EHBP1: variants seen among roughly 807,000 people sequenced by gnomAD.
EHBP1 encodes EH domain binding protein 1, also known as EH domain-binding protein 1.
Under a neutral mutation model 144.0 loss-of-function variants are expected in EHBP1, and 55 were observed. The observed-to-expected ratio is 0.38, with a 90% CI of 0.31 to 0.48. The LOEUF (loss-of-function observed/expected upper bound fraction) is 0.48. Among genes scored for constraint, EHBP1 ranks in the 20% least tolerant of loss-of-function variants. EHBP1 has a pLI of 0.98. For synonymous variants in EHBP1, 469 were observed against 472.7 expected (o/e 0.99, Z 0.10); for missense variants, 1,200 against 1,364.2 (o/e 0.88, Z 1.90).
At chr2:62,789,829 G>T (rs1406814370) in intron 5 of EHBP1, among the ~76,000 whole-genome samples, 1 of 152,158 alleles carries the variant, frequency 6.6e-6, no homozygotes, top group Non-Finnish European at 1.5e-5. Flanking sequence ...ACAGATGCCT[G>T]CAGGGTAGCA....
intron 2 of EHBP1, among the ~76,000 whole-genome samples, chr2:62,710,441 C>G (rs1297452170): frequency 1.3e-5 from 2 of 151,042 alleles, no homozygotes; most frequent in Non-Finnish European, 3.0e-5. Flanking sequence ...TAAACTTTTC[C>G]CAAAAAGTCA....
intron 1 of EHBP1, among the ~76,000 whole-genome samples, chr2:62,693,080 T>G (rs2033962839): frequency 6.6e-6 from 1 of 152,186 alleles, no homozygotes; most frequent in African/African-American, 2.4e-5. Flanking sequence ...GTTTTAATTT[T>G]TAGCTCCCAT....
chr2:62,881,058 G>A (rs1330502412), intron 10 of EHBP1, among the ~76,000 whole-genome samples: 3 of 152,042 alleles, frequency 2.0e-5, no homozygotes, highest in Non-Finnish European at 4.4e-5. Flanking sequence ...ATACTACGCA[G>A]CCATAAAAAA....
At chr2:63,017,508 A>G (rs1312273874) in intron 19 of EHBP1, among the ~76,000 whole-genome samples, 1 of 152,254 alleles carries the variant, frequency 6.6e-6, no homozygotes, top group Admixed American at 6.5e-5. Flanking sequence ...CTTTATATCA[A>G]GCATTTGCAA....
intron 2 of EHBP1, among the ~76,000 whole-genome samples, chr2:62,746,305 T>C (rs538460670): frequency 6.6e-6 from 1 of 152,218 alleles, no homozygotes; most frequent in African/African-American, 2.4e-5. Context: ...TTTCCATTGG[T>C]ATAACTCTCT....
intron 10 of EHBP1, among the ~76,000 whole-genome samples, chr2:62,901,754 C>G (rs2053433954): frequency 6.6e-6 from 1 of 151,742 alleles, no homozygotes; most frequent in Admixed American, 6.6e-5. Context: ...TCATTTGAGT[C>G]CAGGAGTTCA....
At chr2:62,851,725 A>G (rs988658534) in intron 7 of EHBP1, among the ~76,000 whole-genome samples, 2 of 152,190 alleles carry the variant, frequency 1.3e-5, no homozygotes, top group African/African-American at 4.8e-5. Flanking sequence ...AAATAAGGGA[A>G]GCATTGGTAT....
intron 5 of EHBP1, among the ~76,000 whole-genome samples, chr2:62,778,080 A>G (rs2042167556): frequency 6.6e-6 from 1 of 152,082 alleles, no homozygotes; most frequent in Non-Finnish European, 1.5e-5. Context: ...TCTTGGTGCT[A>G]CCTATTCACT....
intron 2 of EHBP1, among the ~76,000 whole-genome samples, chr2:62,746,550 T>C (rs2039173737): frequency 6.6e-6 from 1 of 152,072 alleles, no homozygotes; most frequent in African/African-American, 2.4e-5. Flanking sequence ...CTAAGATTTT[T>C]TAAAATGAAA....
At chr2:63,026,175 T>A (rs1184838622) in intron 19 of EHBP1, among the ~76,000 whole-genome samples, 11 of 152,146 alleles carry the variant, frequency 7.2e-5, no homozygotes, top group Admixed American at 7.2e-4. Context: ...AATGCTTGCA[T>A]AGGCAGTCAG....
chr2:62,996,868 C>A, intron 19 of EHBP1, 102 bp downstream of exon 19: 11 of 1,489,444 alleles, frequency 7.4e-6, no homozygotes, highest in Admixed American at 2.4e-5. Flanking sequence ...GAATGTTCAG[C>A]AAAACTGCCT....
intron 14 of EHBP1, among the ~76,000 whole-genome samples, chr2:62,968,298 T>G (rs557005709): frequency 2.6e-5 from 4 of 152,310 alleles, no homozygotes; most frequent in Non-Finnish European, 5.9e-5. Flanking sequence ...GTTAAATTCA[T>G]CATAAAGGGT....
intron 14 of EHBP1, among the ~76,000 whole-genome samples, chr2:62,977,937 G>A (rs1442402462): frequency 2.6e-5 from 4 of 152,108 alleles, no homozygotes; most frequent in South Asian, 2.1e-4. Context: ...ATTAAATAAG[G>A]TGAGAGAAGC....
At position 62,760,710 on chromosome 2, in the gene EHBP1, T is replaced by C. The variant is rs2040699729; in HGVS notation, c.163-3556T>C. Among the ~76,000 whole-genome samples, 5 of 152,328 alleles carry C rather than the reference T, an allele frequency of 3.3e-5. No homozygotes were observed. The South Asian group carries it at 1.0e-3, about 32-fold the overall frequency. On this transcript the variant is annotated intron_variant, in intron 3 of 22. Coordinates refer to ENST00000431489, the MANE Select transcript of EHBP1 (RefSeq NM_001142616.3). The stretch of plus-strand genomic sequence containing the variant: ...AGTCCTAAGGGATAGAAGACTATTT[T>C]CTTGACTACCATGCAAATCAGAGAT...
At chr2:62,838,136 CTA>C (rs1222347838) in intron 7 of EHBP1, among the ~76,000 whole-genome samples, 1 of 151,668 alleles carries the variant, frequency 6.6e-6, no homozygotes, top group East Asian at 1.9e-4. Context: ...TTATAACAAA[CTA>C]TCTCTCAGAC....
At chr2:62,709,648 G>C (rs2151822845) in intron 2 of EHBP1, among the ~76,000 whole-genome samples, 1 of 152,122 alleles carries the variant, frequency 6.6e-6, no homozygotes, top group Non-Finnish European at 1.5e-5. Flanking sequence ...ATTACTTTTA[G>C]GGATGGCCAT....
At chr2:62,911,643 A>G (rs948777594) in intron 10 of EHBP1, among the ~76,000 whole-genome samples, 26 of 151,892 alleles carry the variant, frequency 1.7e-4, no homozygotes, top group African/African-American at 6.3e-4. Context: ...TGTATTTTTC[A>G]TAGAGACAGG....
chr2:62,976,849 A>G (rs769426025), intron 14 of EHBP1, among the ~76,000 whole-genome samples: 17 of 151,862 alleles, frequency 1.1e-4, no homozygotes, highest in Non-Finnish European at 2.2e-4. Context: ...CTCCCTTCTT[A>G]TAGTTCCTTT....
At chr2:62,675,901 T>A (rs185142729) in intron 1 of EHBP1, among the ~76,000 whole-genome samples, 1 of 152,136 alleles carries the variant, frequency 6.6e-6, no homozygotes, top group East Asian at 1.9e-4. Flanking sequence ...CACAGGTGCG[T>A]ACCACCATGG....
Sources: allele counts gnomAD v4.1 joint callset (sites outside exome capture counted in the v4.1 genomes callset), GRCh38; gene constraint gnomAD v4.1.1; transcripts MANE v1.5; gene names NCBI Gene and HGNC (gene_info 2026-07-23, HGNC 2026-07-21).